Variants in C5 observed in about 807,000 individuals in gnomAD.
C5 encodes complement C5, also known as C3 and PZP-like alpha-2-macroglobulin domain-containing protein 4.
A neutral mutation model predicts 218.8 loss-of-function variants in C5; 140 were observed. The observed-to-expected ratio is 0.64, with a 90% confidence interval of 0.56 to 0.74. The LOEUF (loss-of-function observed/expected upper bound fraction) is 0.74, where lower values mean the gene tolerates loss of function less well. C5 is among the 30% of genes least tolerant of loss of function. C5 has a pLI of 0.00. For missense variants in C5, 1,700 were observed against 1,969.6 expected (o/e 0.86, Z 2.59); for synonymous variants, 614 against 682.3 (o/e 0.90, Z 1.56).
At chr9:120,988,824 G>A (rs1399132530) in intron 25 of C5, among the ~76,000 whole-genome samples, 1 of 152,108 alleles carries the variant, frequency 6.6e-6, no homozygotes, top group East Asian at 1.9e-4. Flanking sequence ...AAGGTGTCTT[G>A]GAACAGGATA....
chr9:121,012,498 A>G (rs1203608812), intron 17 of C5, among the ~76,000 whole-genome samples: 1 of 152,160 alleles, frequency 6.6e-6, no homozygotes, highest in African/African-American at 2.4e-5. Flanking sequence ...TGGGCAACAA[A>G]AACAAAACTC....
At chr9:121,003,900 G>GCT (rs1305695541) in intron 20 of C5, among the ~76,000 whole-genome samples, 2 of 151,942 alleles carry the variant, frequency 1.3e-5, no homozygotes, top group Non-Finnish European at 2.9e-5. Context: ...ACGGAGTGTC[G>GCT]CTCTGTCGCC....
chr9:120,969,027 G>C (rs1028266974), intron 33 of C5, 34 bp downstream of exon 33: 3 of 1,567,118 alleles, frequency 1.9e-6, no homozygotes, highest in Non-Finnish European at 2.6e-6. Context: ...TGAGAACTTG[G>C]AGTCTATGCT....
chr9:120,980,137 G>A lies in C5; in HGVS notation c.3604C>T (p.His1202Tyr). 2 of 1,614,128 alleles carry A rather than the reference G, an allele frequency of 1.2e-6. No individual in the cohort carries two copies. Among genetic ancestry groups the A allele is most frequent in the Non-Finnish European group, 1.7e-6 (2 of 1,180,008 alleles). ...AYALSLGDKT[H>Y]PQFRSIVSAL... Reference sequence around the variant, plus strand: ...GAAACAATTGAACGAAACTGTGGGTGAGTTTTATCTCCCAGGGAAAGAGCA... The same window carrying A: ...GAAACAATTGAACGAAACTGTGGGTAAGTTTTATCTCCCAGGGAAAGAGCA... Residue 1202 changes from histidine (H) to tyrosine (Y), a missense_variant, in exon 28 of 41, where the codon CAC (histidine) becomes TAC (tyrosine). Transcript: ENST00000223642.
At chr9:121,008,965 G>A (rs1010588237) in intron 17 of C5, among the ~76,000 whole-genome samples, 3 of 127,488 alleles carry the variant, frequency 2.4e-5, no homozygotes, top group African/African-American at 8.7e-5. Context: ...AACTATAAAG[G>A]CCTTAGGATT....
chr9:121,008,621 G>A, intron 17 of C5, 123 bp from the exon 18 acceptor site: 1 of 751,934 alleles, frequency 1.3e-6, no homozygotes, highest in Middle Eastern at 2.8e-4. Flanking sequence ...AAAACATTTT[G>A]TTTAATGCTT....
chr9:121,071,029 G>A, the C5 span, among the ~76,000 whole-genome samples: 5 of 152,040 alleles, frequency 3.3e-5, no homozygotes, highest in Non-Finnish European at 7.4e-5. Flanking sequence ...AAAAATTAAG[G>A]TTGGGTATGG....
chr9:120,952,578 A>C lies in C5; in HGVS notation c.*161T>G. ...TTATTTCAGAAAGTTACAGCATTTG[A>C]AATCATTCTCTAATAAAAGCAAGTG... On this transcript the variant is annotated 3_prime_UTR_variant, in exon 41 of 41. Transcript: ENST00000223642. 1.1e-5 allele frequency: 7 copies of C among 658,264 alleles called. No individual in the cohort carries two copies. The highest frequency in any genetic ancestry group is 1.8e-5 in the Non-Finnish European group (7 of 390,720). The allele number at this position is 658,264 out of a possible 1,614,324, so 40.8% of individuals were successfully genotyped here. A position where few individuals can be genotyped will look rare whatever the true frequency, so the allele number is the denominator to read the frequency against.
At chr9:121,041,703 G>T (rs1348125645) in intron 3 of C5, among the ~76,000 whole-genome samples, 1 of 152,068 alleles carries the variant, frequency 6.6e-6, no homozygotes, top group Non-Finnish European at 1.5e-5. Context: ...GTGTCAACAG[G>T]ATCCAAGCAA....
chr9:120,992,999 A>G (rs2047088033), intron 22 of C5, among the ~76,000 whole-genome samples: 1 of 152,260 alleles, frequency 6.6e-6, no homozygotes, highest in Non-Finnish European at 1.5e-5. Context: ...AAAAACGTGC[A>G]AAAGATATGA....
chr9:121,048,035 T>C (rs1444918891), intron 1 of C5, among the ~76,000 whole-genome samples: 2 of 152,190 alleles, frequency 1.3e-5, no homozygotes, highest in Non-Finnish European at 2.9e-5. Flanking sequence ...ATAGGATTTA[T>C]GAATTCTATA....
At position 120,989,075 on chromosome 9, in the gene C5, ACTGTAAGAGTAGTCAGCATTT is replaced by A. The variant is rs781059860; in HGVS notation, c.3180_3200del (p.Arg1060_Tyr1066del). 5 of 1,613,824 alleles carry A rather than the reference ACTGTAAGAGTAGTCAGCATTT, an allele frequency of 3.1e-6. No homozygotes were observed. Among genetic ancestry groups the A allele is most frequent in the Non-Finnish European group, 2.5e-6 (3 of 1,179,700 alleles). On this transcript the variant is annotated inframe_deletion, in exon 25 of 41. Transcript: ENST00000223642. ...TGCTAGCACTTCCACCCTTCCACAC[ACTGTAAGAGTAGTCAGCATTT>A]CTGTAGGACATAATGCTCAACATCC...
chr9:121,066,841 C>G, the C5 span, among the ~76,000 whole-genome samples: 60 of 126,382 alleles, frequency 4.7e-4, no homozygotes, highest in Non-Finnish European at 9.1e-4. Context: ...GGCGACAGAA[C>G]AAGACTCTGT....
chr9:121,027,243 C>A lies in C5; in HGVS notation c.790G>T (p.Asp264Tyr). 1 of 1,588,428 alleles carries A rather than the reference C, an allele frequency of 6.3e-7. No individual in the cohort carries two copies. Among genetic ancestry groups the A allele is most frequent in the South Asian group, 1.1e-5 (1 of 89,914 alleles). The change falls in exon 8 of 41, where the codon GAC (aspartate) becomes TAC (tyrosine). Residue 264 changes from aspartate to tyrosine, a missense_variant. Asp to Tyr is a radical substitution (Grantham distance 160). Transcript: ENST00000223642. The stretch of plus-strand genomic sequence containing the variant: ...CTTATTCCAAATGTGATATAAACGT[C>A]AGCCTCAGTGACTACTTTATTATAA... ...YFYNKVVTEA[D>Y]VYITFGIRED...
At chr9:120,983,390 G>A (rs1024292482) in intron 25 of C5, among the ~76,000 whole-genome samples, 1 of 152,116 alleles carries the variant, frequency 6.6e-6, no homozygotes, top group Non-Finnish European at 1.5e-5. Flanking sequence ...GAGTATCAGA[G>A]AGGATTGGGT....
intron 29 of C5, 27 bp downstream of exon 29, chr9:120,976,673 A>G (rs1466775784): frequency 6.4e-7 from 1 of 1,572,126 alleles, no homozygotes; most frequent in Admixed American, 1.7e-5. Context: ...GTCTACAGGG[A>G]GATGAAACAA....
intron 32 of C5, 21 bp downstream of exon 32, chr9:120,970,149 C>A: frequency 6.5e-7 from 1 of 1,539,074 alleles, no homozygotes; most frequent in Non-Finnish European, 9.0e-7. Flanking sequence ...AAAATTACAG[C>A]GTAAATCCTG....
rs748850155 is a variant in C5, at chr9:121,043,175, G to T, written c.259-9C>A. 1.2e-6 allele frequency: 2 copies of T among 1,606,094 alleles called. No homozygotes were observed. Among genetic ancestry groups the T allele is most frequent in the South Asian group, 1.1e-5 (1 of 90,646 alleles). On this transcript the variant is annotated splice_polypyrimidine_tract_variant and intron_variant, in intron 2 of 40. Coordinates refer to ENST00000223642, the MANE Select transcript of C5 (RefSeq NM_001735.3). ...AATTGTTTTGGTTGTATCTGGAAAA[G>T]AAATTGTTGATGGAAAAAGTATAAT...
At chr9:120,992,628 TA>T (rs1379798087) in intron 22 of C5, among the ~76,000 whole-genome samples, 1 of 152,194 alleles carries the variant, frequency 6.6e-6, no homozygotes, top group East Asian at 1.9e-4. Flanking sequence ...GTGGAAAAGG[TA>T]AAGAGAAAGT....
Sources: allele counts gnomAD v4.1 joint callset (sites outside exome capture counted in the v4.1 genomes callset), GRCh38; gene constraint gnomAD v4.1.1; transcripts MANE v1.5; gene names NCBI Gene and HGNC (gene_info 2026-07-23, HGNC 2026-07-21).